The following ZFAND3 variants were observed in gnomAD, a reference collection of about 807,000 sequenced individuals.
ZFAND3 encodes AN1-type zinc finger protein 3.
Under a neutral mutation model 29.6 loss-of-function variants are expected in ZFAND3, and 10 were observed. The observed-to-expected ratio is 0.34, with a 90% CI of 0.21 to 0.57. The LOEUF (loss-of-function observed/expected upper bound fraction) is 0.57, where lower values mean the gene tolerates loss of function less well. Ranked by LOEUF, ZFAND3 falls within the 20% of genes least tolerant of loss-of-function variation. The probability of loss-of-function intolerance (pLI) is 0.86; values close to 1 mark genes in which losing one functional copy is unlikely to be tolerated. For synonymous variants in ZFAND3, 128 were observed against 112.6 expected, an observed-to-expected ratio of 1.14 and a Z score of -0.87; for missense variants, 230 against 304.5, an observed-to-expected ratio of 0.76 and a Z score of 1.82.
chr6:38,073,694 C>CT, intron 3 of ZFAND3, among the ~76,000 whole-genome samples: 1 of 152,146 alleles, frequency 6.6e-6, no homozygotes, highest in Non-Finnish European at 1.5e-5. Flanking sequence ...CGCTGTTGGA[C>CT]TTTATCACAT....
intron 5 of ZFAND3, among the ~76,000 whole-genome samples, chr6:38,136,044 T>C (rs1375443457): frequency 1.3e-5 from 2 of 152,060 alleles, no homozygotes; most frequent in African/African-American, 4.8e-5. Flanking sequence ...TGTCTGGAAA[T>C]GGAGGCGGGG....
chr6:38,010,836 G>T (rs4711524), intron 2 of ZFAND3, among the ~76,000 whole-genome samples: 55,031 of 150,884 alleles, frequency 0.36, 10,793 homozygotes, highest in East Asian at 0.57. Flanking sequence ...CCTGACCTCA[G>T]GTGATCCGCT....
chr6:37,976,230 T>C (rs148907216), intron 2 of ZFAND3, among the ~76,000 whole-genome samples: 122 of 152,178 alleles, frequency 8.0e-4, no homozygotes, highest in Non-Finnish European at 1.5e-3. Context: ...GTAACTTTAT[T>C]ATTTATTCAT....
intron 2 of ZFAND3, among the ~76,000 whole-genome samples, chr6:37,989,280 C>G (rs1307574529): frequency 6.6e-6 from 1 of 152,182 alleles, no homozygotes; most frequent in Non-Finnish European, 1.5e-5. Flanking sequence ...CTGGCAAAGT[C>G]TCTATCTTAA....
intron 1 of ZFAND3, among the ~76,000 whole-genome samples, chr6:37,908,797 C>A (rs1002650888): frequency 6.6e-6 from 1 of 150,504 alleles, no homozygotes; most frequent in Non-Finnish European, 1.5e-5. Context: ...TACTGAATGC[C>A]AGATTCTAAA....
chr6:38,151,080 T>G (rs1444548945), intron 5 of ZFAND3, among the ~76,000 whole-genome samples: 2 of 152,116 alleles, frequency 1.3e-5, no homozygotes, highest in African/African-American at 4.8e-5. Flanking sequence ...ACCTCAGACG[T>G]CTGTGCTCCA....
Position 37,970,248 on chromosome 6 carries a change from C to A in ZFAND3, c.112+40249C>A, listed in dbSNP as rs550877483. On this transcript the variant is annotated intron_variant, in intron 2 of 5. Transcript: ENST00000287218. ...AGAAAAACATGTATAGGTCAGGGATCAAAAATGTGTCAGATTTTTCATAAC... is the reference window on the plus strand; with the variant it reads ...AGAAAAACATGTATAGGTCAGGGATAAAAAATGTGTCAGATTTTTCATAAC... Among the ~76,000 whole-genome samples, 6 of 152,056 alleles carry A rather than the reference C, an allele frequency of 3.9e-5. No individual in the cohort carries two copies. In the South Asian group the frequency reaches 1.2e-3, roughly 32 times the overall value.
At chr6:37,970,930 C>T (rs1482859974) in intron 2 of ZFAND3, among the ~76,000 whole-genome samples, 1 of 152,046 alleles carries the variant, frequency 6.6e-6, no homozygotes, top group East Asian at 1.9e-4. Flanking sequence ...AACAAACAAA[C>T]AAACAAACAA....
intron 1 of ZFAND3, among the ~76,000 whole-genome samples, chr6:37,823,496 G>A (rs1763703994): frequency 6.6e-6 from 1 of 152,168 alleles, no homozygotes; most frequent in African/African-American, 2.4e-5. Flanking sequence ...GCATTGCCCA[G>A]TCAGGACACT....
chr6:38,144,225 A>ATTTTTTTTTT (rs1562016181), intron 5 of ZFAND3, among the ~76,000 whole-genome samples: 2 of 75,534 alleles, frequency 2.6e-5, no homozygotes, highest in South Asian at 3.7e-4. Context: ...TATAATATAT[A>ATTTTTTTTTT]TATATATTTT....
intron 1 of ZFAND3, among the ~76,000 whole-genome samples, chr6:37,883,859 A>G (rs1346094945): frequency 1.4e-5 from 2 of 145,194 alleles, no homozygotes; most frequent in Non-Finnish European, 3.0e-5. Flanking sequence ...CCTTTTCATT[A>G]TCTATTTCCC....
chr6:37,873,891 A>C (rs1428972952), intron 1 of ZFAND3, among the ~76,000 whole-genome samples: 3 of 152,234 alleles, frequency 2.0e-5, no homozygotes, highest in African/African-American at 7.2e-5. Flanking sequence ...AAAACTTTAC[A>C]CTGAAATTCG....
intron 1 of ZFAND3, among the ~76,000 whole-genome samples, chr6:37,898,996 C>T (rs1471208104): frequency 4.6e-5 from 7 of 152,132 alleles, no homozygotes; most frequent in African/African-American, 9.7e-5. Flanking sequence ...CCCGGGTTCA[C>T]GCCATTCTCC....
intron 2 of ZFAND3, among the ~76,000 whole-genome samples, chr6:37,961,768 C>T (rs1762202858): frequency 6.6e-6 from 1 of 152,202 alleles, no homozygotes; most frequent in African/African-American, 2.4e-5. Context: ...AAGGTGGTAC[C>T]TCTTAAGAGT....
At chr6:38,151,091 C>G (rs1329383167) in intron 5 of ZFAND3, among the ~76,000 whole-genome samples, 1 of 152,224 alleles carries the variant, frequency 6.6e-6, no homozygotes, top group African/African-American at 2.4e-5. Context: ...CTGTGCTCCA[C>G]ATGCGTATCG....
chr6:38,069,605 G>A (rs1178656335), intron 3 of ZFAND3, among the ~76,000 whole-genome samples: 1 of 152,184 alleles, frequency 6.6e-6, no homozygotes, highest in Non-Finnish European at 1.5e-5. Flanking sequence ...GTTCTGAAAA[G>A]ATTGATACTT....
At chr6:38,142,104 T>G (rs1164412425) in intron 5 of ZFAND3, among the ~76,000 whole-genome samples, 1 of 152,234 alleles carries the variant, frequency 6.6e-6, no homozygotes, top group African/African-American at 2.4e-5. Context: ...AATGTGTAGT[T>G]CAGCTGTTAA....
At chr6:37,905,916 C>G (rs1765398448) in intron 1 of ZFAND3, among the ~76,000 whole-genome samples, 1 of 152,024 alleles carries the variant, frequency 6.6e-6, no homozygotes, top group Non-Finnish European at 1.5e-5. Flanking sequence ...AATATTTTGA[C>G]ATACCTATAA....
chr6:37,918,073 TTTG>T (rs899967027), intron 1 of ZFAND3, among the ~76,000 whole-genome samples: 1 of 151,998 alleles, frequency 6.6e-6, no homozygotes, highest in African/African-American at 2.4e-5. Flanking sequence ...CTTTTTTTGT[TTTG>T]TTTTGTTTTT....
Sources: allele counts gnomAD v4.1 joint callset (sites outside exome capture counted in the v4.1 genomes callset), GRCh38; gene constraint gnomAD v4.1.1; transcripts MANE v1.5; gene names NCBI Gene and HGNC (gene_info 2026-07-23, HGNC 2026-07-21).